RFX2: variants seen among roughly 807,000 people sequenced by gnomAD.
RFX2 encodes DNA-binding protein RFX2.
In RFX2, 20 loss-of-function variants were observed where a neutral mutation model predicts 87.8. The observed-to-expected ratio is 0.23, with a 90% CI of 0.16 to 0.33. RFX2 has a LOEUF of 0.33. Ranked by LOEUF, RFX2 falls within the 10% of genes least tolerant of loss-of-function variation. RFX2 has a pLI of 1.00. For synonymous variants in RFX2, 397 were observed against 431.3 expected (o/e 0.92, Z 0.98); for missense variants, 767 against 1,012.3 (o/e 0.76, Z 3.29).
At chr19:6,033,309 A>G (rs528928690) in intron 5 of RFX2, among the ~76,000 whole-genome samples, 101 of 152,352 alleles carry the variant, frequency 6.6e-4, no homozygotes, top group African/African-American at 2.3e-3. Flanking sequence ...CCATGAAAGA[A>G]AACAGGAAAA....
In RFX2 at chr19:5,994,785, G is replaced by A; in HGVS notation, c.*50C>T. On this transcript the variant is annotated 3_prime_UTR_variant, in exon 18 of 18. Transcript: ENST00000303657. ...AGCCGGTGAAATCCAGGTTCCCAGA[G>A]TGACCAGGCGGCATCTTTTGGAACC... The A allele has an allele frequency of 8.1e-7, 1 of 1,235,518 alleles. No individual in the cohort carries two copies. The highest frequency in any genetic ancestry group is 1.2e-6 in the Non-Finnish European group (1 of 854,616). 76.5% of individuals were successfully genotyped at this position (1,235,518 alleles called of 1,614,324 possible).
rs966868863 is a variant in RFX2 at position 6,002,499 on chromosome 19, G to A, written c.1650+222C>T. 2.0e-5 allele frequency among the ~76,000 whole-genome samples: 3 copies of A among 152,216 alleles called. No homozygotes were observed. Among genetic ancestry groups the A allele is most frequent in the Non-Finnish European group, 1.5e-5 (1 of 68,038 alleles). On this transcript the variant is annotated intron_variant, in intron 14 of 17. Coordinates refer to ENST00000303657, the MANE Select transcript of RFX2 (RefSeq NM_000635.4). This position sits in a 1 kb window ranked among gnomAD's most constrained non-coding sequence, Gnocchi z 6.7. ...CTTTGTGAGGAAAATGAGCAGAAGT[G>A]TTGGCCACAGCGCCTGGACGCCAGA... is the stretch of plus-strand genomic sequence containing the variant.
At chr19:6,106,854 CAT>C (rs1334048818) in intron 1 of RFX2, among the ~76,000 whole-genome samples, 19 of 146,896 alleles carry the variant, frequency 1.3e-4, no homozygotes, top group African/African-American at 3.7e-4. Context: ...ATTATATATA[CAT>C]GTTTTAATAT....
intron 4 of RFX2, 28 bp downstream of exon 4, chr19:6,042,016 G>C: frequency 1.9e-6 from 3 of 1,598,758 alleles, no homozygotes; most frequent in Non-Finnish European, 2.6e-6. Context: ...AGAGGGTTCC[G>C]GGTGTGGCCC....
intron 1 of RFX2, among the ~76,000 whole-genome samples, chr19:6,102,489 C>T (rs1424263510): frequency 1.3e-5 from 2 of 152,210 alleles, no homozygotes; most frequent in South Asian, 2.1e-4. Context: ...TGACAGGTAC[C>T]GGCTGATGTG....
intron 1 of RFX2, among the ~76,000 whole-genome samples, chr19:6,081,227 G>T (rs542362712): frequency 1.4e-4 from 22 of 152,078 alleles, no homozygotes; most frequent in Non-Finnish European, 2.9e-4. Context: ...TCTGCTTCCC[G>T]GCCGGGTATG....
chr19:6,015,945 C>G, intron 7 of RFX2, 145 bp downstream of exon 7: 1 of 673,296 alleles, frequency 1.5e-6, no homozygotes, highest in Non-Finnish European at 2.3e-6. Flanking sequence ...AAGGCTGCCG[C>G]CAATTGAAAG....
rs189349543 is a variant in RFX2 at position 5,999,671 on chromosome 19, G to C, written c.1859+2144C>G. Among the ~76,000 whole-genome samples the C allele has an allele frequency of 6.6e-6, 1 of 152,304 alleles. No individual in the cohort carries two copies. Among genetic ancestry groups the C allele is most frequent in the East Asian group, 1.9e-4 (1 of 5,178 alleles). On this transcript the variant is annotated intron_variant, in intron 15 of 17. Coordinates refer to ENST00000303657, the MANE Select transcript of RFX2 (RefSeq NM_000635.4). The surrounding 1 kb of genome is among the most constrained non-coding windows in gnomAD (Gnocchi z 4.1). ...GAAGTGAGGTCCCGGCACTCGGGTA[G>C]CGTGCCTGATCATGCAGGAGACAGA... is the stretch of plus-strand genomic sequence containing the variant.
intron 1 of RFX2, chr19:6,077,068 C>T (rs1432314635): frequency 6.6e-6 from 1 of 152,206 alleles, no homozygotes; most frequent in Admixed American, 6.5e-5. Flanking sequence ...CTCCTCCTAC[C>T]ACGTGCAACC....
chr19:6,032,557 AG>A (rs2086966309), intron 5 of RFX2, among the ~76,000 whole-genome samples: 1 of 152,246 alleles, frequency 6.6e-6, no homozygotes, highest in Non-Finnish European at 1.5e-5. Context: ...AGAGGAGGCC[AG>A]CAGGGCTGAG....
rs151161080 is a variant in RFX2 at position 5,997,855 on chromosome 19, G to A, written c.1860-642C>T. ...AAAAGTCAAAAGAATAATTATATTC[G>A]GTGGCACGTGGAAATTACATGAAAT... On this transcript the variant is annotated intron_variant, in intron 15 of 17. Coordinates refer to ENST00000303657, the MANE Select transcript of RFX2 (RefSeq NM_000635.4). This position sits in a 1 kb window ranked among gnomAD's most constrained non-coding sequence, Gnocchi z 4.2. Among the ~76,000 whole-genome samples, 6 of 152,220 alleles carry A rather than the reference G, an allele frequency of 3.9e-5. No individual in the cohort carries two copies. Among genetic ancestry groups the A allele is most frequent in the South Asian group, 2.1e-4 (1 of 4,822 alleles).
chr19:6,034,224 C>T (rs987466620), intron 5 of RFX2, among the ~76,000 whole-genome samples: 16 of 146,228 alleles, frequency 1.1e-4, no homozygotes, highest in Non-Finnish European at 2.2e-4. Flanking sequence ...ACACACACTG[C>T]TAATTTTTTT....
chr19:6,079,242 G>A (rs752365020), intron 1 of RFX2, among the ~76,000 whole-genome samples: 23 of 152,176 alleles, frequency 1.5e-4, no homozygotes, highest in Admixed American at 3.3e-4. Flanking sequence ...GTATGCTGTC[G>A]CTCTTACAAC....
At position 6,002,733 on chromosome 19, in the gene RFX2, A is replaced by G. The variant is rs374306506; in HGVS notation, c.1638T>C (p.Phe546=). 1.9e-6 allele frequency: 3 copies of G among 1,613,714 alleles called. No individual in the cohort carries two copies. The highest frequency in any genetic ancestry group is 4.5e-5 in the East Asian group (2 of 44,880). ...TGGAGGAAGTCACCTGCACGTTGGC[A>G]AAGTCCACGCGGTTGAGGTCGCTGA... is the stretch of plus-strand genomic sequence containing the variant. ...QMLSDLNRVD[F]ANVQEQASWV... The change falls in exon 14 of 18, where the codon TTT becomes TTC. Residue 546 remains phenylalanine, a synonymous_variant. Coordinates refer to ENST00000303657, the MANE Select transcript of RFX2 (RefSeq NM_000635.4). The surrounding 1 kb of genome is among the most constrained non-coding windows in gnomAD (Gnocchi z 6.7).
chr19:6,100,447 C>G (rs1009479646), intron 1 of RFX2, among the ~76,000 whole-genome samples: 4 of 152,110 alleles, frequency 2.6e-5, no homozygotes, highest in African/African-American at 9.7e-5. Context: ...TGCAAAGAGC[C>G]GCAGGGAGAC....
chr19:6,049,520 C>A (rs1272448443), intron 1 of RFX2, among the ~76,000 whole-genome samples: 1 of 152,122 alleles, frequency 6.6e-6, no homozygotes, highest in Non-Finnish European at 1.5e-5. Context: ...GAATGTGTTC[C>A]CCTAATTTAT....
chr19:6,105,402 A>G (rs2088200484), intron 1 of RFX2, among the ~76,000 whole-genome samples: 1 of 152,148 alleles, frequency 6.6e-6, no homozygotes, highest in South Asian at 2.1e-4. Context: ...ATGAGCTTCC[A>G]GAGGCCAGCA....
At chr19:6,100,462 C>T (rs12610875) in intron 1 of RFX2, among the ~76,000 whole-genome samples, 3,486 of 152,236 alleles carry the variant, frequency 0.023, 329 homozygotes, top group Admixed American at 0.17. Flanking sequence ...GGAGACAATA[C>T]AGGAAGTGAT....
intron 1 of RFX2, among the ~76,000 whole-genome samples, chr19:6,048,579 T>C (rs1027299964): frequency 4.6e-5 from 7 of 152,208 alleles, no homozygotes; most frequent in Non-Finnish European, 8.8e-5. Context: ...CCATGGCTCC[T>C]GCCTGCTGGG....
Sources: allele counts gnomAD v4.1 joint callset (sites outside exome capture counted in the v4.1 genomes callset), GRCh38; gene constraint gnomAD v4.1.1; non-coding constraint Gnocchi (gnomAD v3.1); transcripts MANE v1.5; gene names NCBI Gene and HGNC (gene_info 2026-07-23, HGNC 2026-07-21).